The following NKD1 variants were observed in gnomAD, a reference collection of about 807,000 sequenced individuals.
NKD1 encodes the protein NKD inhibitor of Wnt signaling pathway 1.
Under a neutral mutation model 56.0 loss-of-function variants are expected in NKD1, and 21 were observed. The observed-to-expected ratio is 0.38, with a 90% CI of 0.27 to 0.54. NKD1 has a LOEUF of 0.54. Among genes scored for constraint, NKD1 ranks in the 20% least tolerant of loss-of-function variants. NKD1 has a pLI of 0.82. For missense variants in NKD1, 578 were observed against 642.7 expected (o/e 0.90, Z 1.09); for synonymous variants, 263 against 265.7 (o/e 0.99, Z 0.10).
chr16:50,580,321 G>A (rs1356109920), intron 3 of NKD1, among the ~76,000 whole-genome samples: 3 of 152,242 alleles, frequency 2.0e-5, no homozygotes, highest in Admixed American at 1.3e-4. Flanking sequence ...ACACATGCCA[G>A]GGCCTGCCCA....
chr16:50,552,683 G>A (rs1028294173), intron 3 of NKD1, among the ~76,000 whole-genome samples: 2 of 152,262 alleles, frequency 1.3e-5, no homozygotes, highest in African/African-American at 2.4e-5. Context: ...CAAAATGGGT[G>A]TAATAATATT....
At chr16:50,591,680 G>A (rs1410390074) in intron 3 of NKD1, among the ~76,000 whole-genome samples, 1 of 152,208 alleles carries the variant, frequency 6.6e-6, no homozygotes, top group Non-Finnish European at 1.5e-5. Context: ...TTCCCAGTGA[G>A]CTGGACTGAG....
At chr16:50,615,246 G>A (rs1961934389) in intron 4 of NKD1, among the ~76,000 whole-genome samples, 1 of 152,194 alleles carries the variant, frequency 6.6e-6, no homozygotes, top group Admixed American at 6.5e-5. Context: ...CACAACTTCT[G>A]GGTTCAAATC....
At position 50,548,504 on chromosome 16, in the gene NKD1, GC is replaced by G; in HGVS notation, c.-49del. 1 of 1,319,294 alleles carries G rather than the reference GC, an allele frequency of 7.6e-7. No homozygotes were observed. The highest frequency in any genetic ancestry group is 9.8e-7 in the Non-Finnish European group (1 of 1,023,598). The allele number at this position is 1,319,294 out of a possible 1,614,324, so 81.7% of individuals were successfully genotyped here. ...GAGAGCCAAGGGAGGCGCCAGGCCC[GC>G]GGGCCGGGCGCATGGCTTAGGGACG... is the stretch of plus-strand genomic sequence containing the variant. On this transcript the variant is annotated 5_prime_UTR_variant, in exon 1 of 10. Coordinates refer to ENST00000268459, the MANE Select transcript of NKD1 (RefSeq NM_033119.5).
rs565707434 is a variant in NKD1 at position 50,642,076 on chromosome 16, C to T, written c.*8295C>T. 6.6e-6 allele frequency: 1 copy of T among 152,190 alleles called. No homozygotes were observed. Among genetic ancestry groups the T allele is most frequent in the Non-Finnish European group, 1.5e-5 (1 of 68,044 alleles). The allele number at this position is 152,190 out of a possible 1,614,324, so 9.4% of individuals were successfully genotyped here. On this transcript the variant is annotated 3_prime_UTR_variant, in exon 10 of 10. Transcript: ENST00000268459. ...GCTCCAGGGACTTTGGAGATTTAAG[C>T]AAAGCAAGAAATGGGAAAGGAGTTT...
intron 4 of NKD1, among the ~76,000 whole-genome samples, chr16:50,617,149 G>A (rs1347474564): frequency 2.0e-5 from 3 of 152,212 alleles, no homozygotes; most frequent in African/African-American, 7.2e-5. Flanking sequence ...GAGTGACTGT[G>A]GCTCTCACAG....
intron 6 of NKD1, among the ~76,000 whole-genome samples, chr16:50,626,645 C>T (rs1376619912): frequency 6.6e-6 from 1 of 152,170 alleles, no homozygotes; most frequent in Admixed American, 6.5e-5. Flanking sequence ...CCTTGGAGGC[C>T]CTGGCAGGCA....
chr16:50,628,296 C>T (rs942459925), intron 6 of NKD1, among the ~76,000 whole-genome samples: 8 of 152,246 alleles, frequency 5.3e-5, no homozygotes, highest in Admixed American at 3.9e-4. Flanking sequence ...AGCTGAGCGG[C>T]CGTGCCTCCC....
At chr16:50,609,411 A>G (rs751142180) in intron 4 of NKD1, among the ~76,000 whole-genome samples, 1 of 152,234 alleles carries the variant, frequency 6.6e-6, no homozygotes. Flanking sequence ...GGGCTGCCTT[A>G]TAAGAGTAAG....
chr16:50,610,288 G>A (rs893405502), intron 4 of NKD1, among the ~76,000 whole-genome samples: 1 of 152,248 alleles, frequency 6.6e-6, no homozygotes, highest in Non-Finnish European at 1.5e-5. Context: ...GGCAGTAGGA[G>A]TGGAGCTGCT....
intron 3 of NKD1, among the ~76,000 whole-genome samples, chr16:50,568,042 C>T (rs545967435): frequency 2.0e-5 from 3 of 152,344 alleles, no homozygotes; most frequent in East Asian, 3.9e-4. Flanking sequence ...AGCAAAGAGC[C>T]CTTTATTCTC....
intron 3 of NKD1, among the ~76,000 whole-genome samples, chr16:50,588,598 C>CTTTTTTTTTTTTT (rs574622414): frequency 5.3e-5 from 5 of 94,652 alleles, no homozygotes; most frequent in Non-Finnish European, 8.3e-5. Context: ...TTTTCTTCTG[C>CTTTTTTTTTTTTT]TTTTTTTTTT....
Position 50,637,686 on chromosome 16 carries a change from G to C in NKD1, c.*3905G>C, listed in dbSNP as rs1475751973. The stretch of plus-strand genomic sequence containing the variant: ...ATTAGAAGGGGAAACCATGATTGCT[G>C]GTGAGGTTTTGAGCACATTTTCCTG... On this transcript the variant is annotated 3_prime_UTR_variant, in exon 10 of 10. Coordinates refer to ENST00000268459, the MANE Select transcript of NKD1 (RefSeq NM_033119.5). The C allele has an allele frequency of 6.6e-6, 1 of 152,246 alleles. No homozygotes were observed. 9.4% of individuals were successfully genotyped at this position (152,246 alleles called of 1,614,324 possible). A position where few individuals can be genotyped will look rare whatever the true frequency, so the allele number is the denominator to read the frequency against.
chr16:50,559,251 A>G (rs567942656), intron 3 of NKD1, among the ~76,000 whole-genome samples: 2 of 152,328 alleles, frequency 1.3e-5, no homozygotes, highest in Admixed American at 6.5e-5. Flanking sequence ...GTTGTTTGCT[A>G]GTGATCACCT....
At chr16:50,625,972 C>T (rs1962204013) in intron 6 of NKD1, among the ~76,000 whole-genome samples, 1 of 152,240 alleles carries the variant, frequency 6.6e-6, no homozygotes. Context: ...CACAGGCCAC[C>T]TCCCTTGCTC....
At chr16:50,626,180 C>G (rs1364925491) in intron 6 of NKD1, among the ~76,000 whole-genome samples, 2 of 152,250 alleles carry the variant, frequency 1.3e-5, no homozygotes. Context: ...CAGGGCCCTC[C>G]TCCTGCAGCT....
chr16:50,611,161 A>T (rs1307804237), intron 4 of NKD1, among the ~76,000 whole-genome samples: 1 of 152,170 alleles, frequency 6.6e-6, no homozygotes, highest in Non-Finnish European at 1.5e-5. Flanking sequence ...ACTGTGTCTG[A>T]GGGTGCTGCA....
chr16:50,627,921 T>G (rs1319382392), intron 6 of NKD1, among the ~76,000 whole-genome samples: 3 of 152,202 alleles, frequency 2.0e-5, no homozygotes, highest in Non-Finnish European at 2.9e-5. Flanking sequence ...CTGCCTCATC[T>G]GTATAATGAA....
At position 50,548,553 on chromosome 16, in the gene NKD1, C is replaced by A. The variant is rs1018770690; in HGVS notation, c.-1C>A. On this transcript the variant is annotated 5_prime_UTR_variant, in exon 1 of 10. Transcript: ENST00000268459. ...ACGCTCCCGGCCGCCGCAGCCCCAG[C>A]ATGGGGAAACTTCACTCCAAGCCGG... The A allele has an allele frequency of 6.1e-6, 9 of 1,468,308 alleles. No homozygotes were observed. In the African/African-American group the frequency reaches 1.3e-4, roughly 22 times the overall value. 91.0% of individuals were successfully genotyped at this position (1,468,308 alleles called of 1,614,324 possible).
Sources: gnomAD v4.1 joint callset for allele counts (sites outside exome capture counted in the v4.1 genomes callset) on GRCh38, gnomAD v4.1.1 for gene constraint, MANE v1.5 for transcripts, NCBI Gene and HGNC (gene_info 2026-07-23, HGNC 2026-07-21) for gene names.